The following DICER1 variants were observed in gnomAD, a reference collection of about 807,000 sequenced individuals.
DICER1 encodes the protein dicer 1, ribonuclease III, also known as endoribonuclease Dicer.
A neutral mutation model predicts 194.1 loss-of-function variants in DICER1; 43 were observed. That is an observed-to-expected ratio of 0.22 (90% CI 0.17 to 0.29). The LOEUF (loss-of-function observed/expected upper bound fraction) is 0.29, where lower values mean the gene tolerates loss of function less well. Ranked by LOEUF, DICER1 falls within the 10% of genes least tolerant of loss-of-function variation. The probability of loss-of-function intolerance (pLI) is 1.00; values close to 1 mark genes in which losing one functional copy is unlikely to be tolerated. For synonymous variants in DICER1, 832 were observed against 820.5 expected (o/e 1.01, Z -0.24); for missense variants, 1,608 against 2,317.0 (o/e 0.69, Z 6.28).
intron 1 of DICER1, among the ~76,000 whole-genome samples, chr14:95,151,828 A>G (rs946379591): frequency 1.3e-5 from 2 of 152,214 alleles, no homozygotes; most frequent in African/African-American, 4.8e-5. Context: ...GGATGTTACC[A>G]AAAGAGGAAA....
At chr14:95,130,265 T>C (rs1893844987) in intron 4 of DICER1, 73 bp from the exon 5 acceptor site, 6 of 1,437,188 alleles carry the variant, frequency 4.2e-6, no homozygotes, top group South Asian at 3.5e-5. Flanking sequence ...AATCAGATCA[T>C]AGAGCCATTG....
At position 95,089,137 on chromosome 14, in the gene DICER1, A is replaced by G; in HGVS notation, c.*1361T>C. The G allele has an allele frequency of 4.3e-6, 1 of 233,214 alleles. No individual in the cohort carries two copies. Among genetic ancestry groups the G allele is most frequent in the Non-Finnish European group, 8.5e-6 (1 of 117,974 alleles). The allele number at this position is 233,214 out of a possible 1,614,324, so 14.4% of individuals were successfully genotyped here. A position where few individuals can be genotyped will look rare whatever the true frequency, so the allele number is the denominator to read the frequency against. On this transcript the variant is annotated 3_prime_UTR_variant, in exon 27 of 27. Transcript: ENST00000343455. ...TGCATGCAAAAGAAAAGAAGAACTG[A>G]GGTATTTAAGTGAAGAGTGCCTACA...
rs1889416487 is a variant in DICER1 at position 95,087,356 on chromosome 14, C to A, written c.*3142G>T. 4.3e-6 allele frequency: 1 copy of A among 233,264 alleles called. No homozygotes were observed. The highest frequency in any genetic ancestry group is 8.5e-6 in the Non-Finnish European group (1 of 117,830). The allele number at this position is 233,264 out of a possible 1,614,324, so 14.4% of individuals were successfully genotyped here. A position where few individuals can be genotyped will look rare whatever the true frequency, so the allele number is the denominator to read the frequency against. On this transcript the variant is annotated 3_prime_UTR_variant, in exon 27 of 27. Coordinates refer to ENST00000343455, the MANE Select transcript of DICER1 (RefSeq NM_177438.3). ...AAAAGAAAAAAGAAAAGAAATATAA[C>A]AAACATTTTAAAAACATAATTAAGA...
chr14:95,103,045 G>C (rs546192695), intron 21 of DICER1, among the ~76,000 whole-genome samples: 10 of 152,150 alleles, frequency 6.6e-5, no homozygotes, highest in Non-Finnish European at 1.2e-4. Flanking sequence ...AGGATCAAGG[G>C]GTGTACACAC....
rs546453194 is a variant in DICER1, at chr14:95,150,133, T to G, written c.-46+7097A>C. ...AAGTTCTTAAAGTTACAGGTGCAAC[T>G]GGGAAAACCCAACTCAAGACAGTCT... On this transcript the variant is annotated intron_variant, in intron 1 of 26. Transcript: ENST00000343455. Among the ~76,000 whole-genome samples, 20 of 152,348 alleles carry G rather than the reference T, an allele frequency of 1.3e-4. No individual in the cohort carries two copies. In the South Asian group the frequency reaches 4.1e-3, roughly 32 times the overall value.
At chr14:95,133,247 T>C in intron 2 of DICER1, 68 bp downstream of exon 2, 3 of 1,542,444 alleles carry the variant, frequency 1.9e-6, no homozygotes, top group South Asian at 2.2e-5. Context: ...ATATAAGTTG[T>C]GTCAACTATA....
In DICER1 at chr14:95,089,980, C is replaced by T. The variant is rs757448202; in HGVS notation, c.*518G>A. 1.1e-5 allele frequency: 3 copies of T among 273,586 alleles called. No homozygotes were observed. Among genetic ancestry groups the T allele is most frequent in the East Asian group, 5.4e-5 (1 of 18,374 alleles). 16.9% of individuals were successfully genotyped at this position (273,586 alleles called of 1,614,324 possible). On this transcript the variant is annotated 3_prime_UTR_variant, in exon 27 of 27. Transcript: ENST00000343455. The stretch of plus-strand genomic sequence containing the variant: ...GGGAACATCACCTTACACAGTATAA[C>T]GTGGAAAGAAAAGACAACATTGGCG...
At chr14:95,113,287 C>A (rs1892146876) in intron 11 of DICER1, 63 bp from the exon 12 acceptor site, 1 of 1,528,778 alleles carries the variant, frequency 6.5e-7, no homozygotes, top group Non-Finnish European at 9.1e-7. Context: ...TATTTATAAC[C>A]TCGAGTTTGA....
intron 17 of DICER1, 55 bp downstream of exon 17, chr14:95,107,553 T>C (rs1311112753): frequency 6.3e-6 from 10 of 1,591,218 alleles, no homozygotes; most frequent in South Asian, 1.1e-5. Context: ...CCCGACCTAG[T>C]GCATCTTTTA....
rs1041473975 is a variant in DICER1 at position 95,106,232 on chromosome 14, GA to G, written c.2805-10del. ...GATCAAAATTGCGATATCTAAAAAAGAAAAACAAAAAAACAATCAGTTGCTT... is the reference window on the plus strand; with the variant it reads ...GATCAAAATTGCGATATCTAAAAAAGAAAACAAAAAAACAATCAGTTGCTT... On this transcript the variant is annotated splice_polypyrimidine_tract_variant and intron_variant, in intron 17 of 26. Coordinates refer to ENST00000343455, the MANE Select transcript of DICER1 (RefSeq NM_177438.3). The G allele has an allele frequency of 6.2e-7, 1 of 1,607,384 alleles. No homozygotes were observed. The highest frequency in any genetic ancestry group is 8.5e-7 in the Non-Finnish European group (1 of 1,175,102).
At chr14:95,143,568 T>C (rs1017542003) in intron 1 of DICER1, among the ~76,000 whole-genome samples, 2 of 152,138 alleles carry the variant, frequency 1.3e-5, no homozygotes, top group Non-Finnish European at 2.9e-5. Context: ...AACCTACCTC[T>C]AGTCATAAAA....
Position 95,105,259 on chromosome 14 carries a change from G to C in DICER1, c.3094-13C>G, listed in dbSNP as rs1891311933. The C allele has an allele frequency of 6.2e-7, 1 of 1,610,466 alleles. No homozygotes were observed. The highest frequency in any genetic ancestry group is 8.5e-7 in the Non-Finnish European group (1 of 1,177,686). On this transcript the variant is annotated splice_polypyrimidine_tract_variant and intron_variant, in intron 19 of 26. Coordinates refer to ENST00000343455, the MANE Select transcript of DICER1 (RefSeq NM_177438.3). This position sits in a 1 kb window ranked among gnomAD's most constrained non-coding sequence, Gnocchi z 4.9. ...CTGGAACCAGTATCTTCAAGTAAGG[G>C]GAAAAATGGACAGATAAATACAAAG... is the stretch of plus-strand genomic sequence containing the variant.
intron 12 of DICER1, 109 bp from the exon 13 acceptor site, chr14:95,112,356 C>G (rs1892055323): frequency 2.2e-6 from 2 of 891,680 alleles, no homozygotes; most frequent in Admixed American, 4.6e-5. Context: ...TTCAATTTAC[C>G]AAAACAAAAT....
intron 14 of DICER1, among the ~76,000 whole-genome samples, chr14:95,109,619 T>A (rs561846314): frequency 6.6e-6 from 1 of 152,362 alleles, no homozygotes; most frequent in African/African-American, 2.4e-5. Context: ...GAGGAAAACA[T>A]GCATTTTGGG....
chr14:95,150,655 G>A (rs1186945901), intron 1 of DICER1, among the ~76,000 whole-genome samples: 2 of 152,152 alleles, frequency 1.3e-5, no homozygotes, highest in Non-Finnish European at 2.9e-5. Context: ...ATTGGGTGAA[G>A]GTTACTAAAG....
rs1394767633 is a variant in DICER1, at chr14:95,086,824, T to A, written c.*3674A>T. Reference sequence around the variant, plus strand: ...GAAATTTATCTGGAAATAATTAAATTCCTGAAAAGTAATCAGTGGTTGGAA... The same window carrying A: ...GAAATTTATCTGGAAATAATTAAATACCTGAAAAGTAATCAGTGGTTGGAA... On this transcript the variant is annotated 3_prime_UTR_variant, in exon 27 of 27. Transcript: ENST00000343455. 4.3e-6 allele frequency: 1 copy of A among 232,388 alleles called. No individual in the cohort carries two copies. Among genetic ancestry groups the A allele is most frequent in the Admixed American group, 5.6e-5 (1 of 17,764 alleles). The allele number at this position is 232,388 out of a possible 1,614,324, so 14.4% of individuals were successfully genotyped here. A position where few individuals can be genotyped will look rare whatever the true frequency, so the allele number is the denominator to read the frequency against.
Position 95,095,827 on chromosome 14 carries a change from G to A in DICER1, c.5093C>T (p.Thr1698Ile). 1 of 1,614,060 alleles carries A rather than the reference G, an allele frequency of 6.2e-7. No homozygotes were observed. The highest frequency in any genetic ancestry group is 1.1e-5 in the South Asian group (1 of 91,082). The change falls in exon 23 of 27, where the codon ACT (threonine) becomes ATT (isoleucine). Residue 1698 changes from threonine (T) to isoleucine (I), a missense_variant and splice_region_variant. Thr to Ile is a moderately conservative substitution (Grantham distance 89). This residue lies in a region of DICER1 where 138 missense variants were observed against 298.3 expected (regional missense o/e 0.46). Transcript: ENST00000343455. ...AAGTCTGGTCGTGGGCTCCTTACCA[G>A]TGATAGTATTGTAGTGGTAGGAGGC... ...THASYHYNTI[T>I]DCYQRLEFLG...
chr14:95,125,761 GGGGAGGGGAGGGGGA>G (rs1893389704), intron 7 of DICER1, among the ~76,000 whole-genome samples: 2 of 87,158 alleles, frequency 2.3e-5, no homozygotes, highest in Non-Finnish European at 4.8e-5. Flanking sequence ...AGGGGAGGAG[GGGGAGGGGAGGGGGA>G]GGGAGGGGAG....
intron 13 of DICER1, among the ~76,000 whole-genome samples, 160 bp from the exon 14 acceptor site, chr14:95,111,616 C>T (rs1252239731): frequency 6.6e-6 from 1 of 152,172 alleles, no homozygotes; most frequent in African/African-American, 2.4e-5. Context: ...ACACTTCAGG[C>T]AAAGTCTATT....
Sources: gnomAD v4.1 joint callset for allele counts (sites outside exome capture counted in the v4.1 genomes callset) on GRCh38, gnomAD v4.1.1 for gene constraint, gnomAD v4.1.1 regional missense constraint, Gnocchi (gnomAD v3.1) non-coding constraint, MANE v1.5 for transcripts, NCBI Gene and HGNC (gene_info 2026-07-23, HGNC 2026-07-21) for gene names.